CEP112: variants seen among roughly 807,000 people sequenced by gnomAD.
The protein encoded by CEP112 is centrosomal protein 112, also known as centrosomal protein of 112 kDa.
A neutral mutation model predicts 153.0 loss-of-function variants in CEP112; 127 were observed. The observed-to-expected ratio is 0.83, with a 90% CI of 0.72 to 0.96. The LOEUF (loss-of-function observed/expected upper bound fraction) is 0.96. Among genes scored for constraint, CEP112 ranks in the 40% least tolerant of loss-of-function variants. The pLI is 0.00. For synonymous variants in CEP112, 358 were observed against 374.4 expected, an observed-to-expected ratio of 0.96 and a Z score of 0.51; for missense variants, 1,089 against 1,101.2, an observed-to-expected ratio of 0.99 and a Z score of 0.16.
intron 8 of CEP112, among the ~76,000 whole-genome samples, chr17:66,075,541 G>A (rs1233759462): frequency 6.6e-6 from 1 of 151,972 alleles, no homozygotes; most frequent in African/African-American, 2.4e-5. Context: ...TAAAAAAAGG[G>A]GGTACCAGTG....
chr17:66,154,587 T>G (rs2071355331), intron 4 of CEP112, among the ~76,000 whole-genome samples: 1 of 152,136 alleles, frequency 6.6e-6, no homozygotes, highest in Middle Eastern at 3.2e-3. Flanking sequence ...CAGAGGGAAT[T>G]AGCCATGACC....
At chr17:65,936,685 CAT>C (rs35919454) in intron 18 of CEP112, among the ~76,000 whole-genome samples, 62,526 of 151,524 alleles carry the variant, frequency 0.41, 14,261 homozygotes, top group East Asian at 0.87. Context: ...ATAAAAACCA[CAT>C]GATTATCTCA....
Position 66,027,581 on chromosome 17 carries a change from T to C in CEP112, c.1597-21A>G, listed in dbSNP as rs200830527. ...TGATCCTGTGAATGATAAATGTTTA[T>C]ATTTATTATACTTTAAATTATACTA... On this transcript the variant is annotated intron_variant, in intron 15 of 26. Coordinates refer to ENST00000535342, the MANE Select transcript of CEP112 (RefSeq NM_001199165.4). 2,099 of 1,231,030 alleles carry C rather than the reference T, an allele frequency of 1.7e-3. 2 individuals are homozygous for C. Among genetic ancestry groups the C allele is most frequent in the Non-Finnish European group, 2.2e-3 (1,981 of 918,018 alleles). 76.3% of individuals were successfully genotyped at this position (1,231,030 alleles called of 1,614,324 possible). A position where few individuals can be genotyped will look rare whatever the true frequency, so the allele number is the denominator to read the frequency against.
At chr17:65,756,706 C>G (rs1232374421) in intron 21 of CEP112, among the ~76,000 whole-genome samples, 1 of 152,142 alleles carries the variant, frequency 6.6e-6, no homozygotes, top group African/African-American at 2.4e-5. Context: ...GAGATGGAAG[C>G]TGCCCAAGAA....
rs577721391 is a variant in CEP112, at chr17:65,810,210, G to A, written c.2394+41594C>T. On this transcript the variant is annotated intron_variant, in intron 21 of 26. Coordinates refer to ENST00000535342, the MANE Select transcript of CEP112 (RefSeq NM_001199165.4). ...TCTGGTTACAAAGATAAACAAAGAC[G>A]TGGCACAGTGATTGAAGTGAGATTT... 5.3e-5 allele frequency among the ~76,000 whole-genome samples: 8 copies of A among 152,272 alleles called. No individual in the cohort carries two copies. The East Asian group carries it at 1.4e-3, about 26-fold the overall frequency.
At chr17:65,948,344 A>G (rs1457896745) in intron 18 of CEP112, among the ~76,000 whole-genome samples, 1 of 152,148 alleles carries the variant, frequency 6.6e-6, no homozygotes, top group Non-Finnish European at 1.5e-5. Flanking sequence ...GCATTTAATA[A>G]GGATGTATTT....
intron 23 of CEP112, among the ~76,000 whole-genome samples, chr17:65,729,867 C>T (rs143861984): frequency 0.058 from 8,783 of 152,130 alleles, 266 homozygotes; most frequent in Admixed American, 0.081. Flanking sequence ...GAGCCAAGAT[C>T]GTGCCACTGC....
chr17:65,950,714 G>GTAGTAGTAT, intron 18 of CEP112, among the ~76,000 whole-genome samples: 1 of 98,900 alleles, frequency 1.0e-5, no homozygotes, highest in South Asian at 4.5e-4. Flanking sequence ...AGTAGTAGTA[G>GTAGTAGTAT]TAGTAGTAGT....
In CEP112 at chr17:66,169,282, C is replaced by CTTTTT. The variant is rs538896272; in HGVS notation, c.470+5757_470+5761dup. Among the ~76,000 whole-genome samples, 13 of 120,962 alleles carry CTTTTT rather than the reference C, an allele frequency of 1.1e-4. 1 individual carries two copies. The highest frequency in any genetic ancestry group is 2.2e-4 in the African/African-American group (7 of 31,322). The allele number at this position is 120,962 out of a possible 152,430, so 79.4% of individuals were successfully genotyped here. A position where few individuals can be genotyped will look rare whatever the true frequency, so the allele number is the denominator to read the frequency against. On this transcript the variant is annotated intron_variant, in intron 4 of 26. Coordinates refer to ENST00000535342, the MANE Select transcript of CEP112 (RefSeq NM_001199165.4). Reference sequence around the variant, plus strand: ...ATTATGAGCCAATTTTTAATTTCTTCTTTTTTTTTTTTTTTTTTTGAGACA... The same window carrying CTTTTT: ...ATTATGAGCCAATTTTTAATTTCTTCTTTTTTTTTTTTTTTTTTTTTTTTGAGACA...
At chr17:65,692,432 T>G (rs981004169) in intron 23 of CEP112, among the ~76,000 whole-genome samples, 4 of 152,124 alleles carry the variant, frequency 2.6e-5, no homozygotes, top group African/African-American at 9.7e-5. Flanking sequence ...TTTCACCATG[T>G]TAGCCAGGAT....
At chr17:65,929,859 A>G (rs959779645) in intron 18 of CEP112, among the ~76,000 whole-genome samples, 23 of 152,354 alleles carry the variant, frequency 1.5e-4, no homozygotes, top group African/African-American at 5.3e-4. Context: ...CAAAATAAAT[A>G]AAAGCATGTT....
At chr17:65,682,522 T>C (rs2047581641) in intron 24 of CEP112, among the ~76,000 whole-genome samples, 2 of 152,190 alleles carry the variant, frequency 1.3e-5, no homozygotes, top group South Asian at 2.1e-4. Flanking sequence ...AAGTCCCCCA[T>C]TGCTGACAAC....
chr17:66,084,693 T>G (rs555508422), intron 8 of CEP112, among the ~76,000 whole-genome samples: 4 of 150,992 alleles, frequency 2.6e-5, no homozygotes, highest in Non-Finnish European at 5.9e-5. Context: ...AGGGGGGGAG[T>G]TGGGATGGTT....
intron 19 of CEP112, among the ~76,000 whole-genome samples, chr17:65,912,599 A>T (rs2060330006): frequency 6.6e-6 from 1 of 152,238 alleles, no homozygotes; most frequent in Non-Finnish European, 1.5e-5. Flanking sequence ...AAGCCAAGGC[A>T]GTTCTGCCAT....
At chr17:65,979,457 C>T (rs1555744935) in intron 17 of CEP112, among the ~76,000 whole-genome samples, 1 of 151,990 alleles carries the variant, frequency 6.6e-6, no homozygotes, top group Non-Finnish European at 1.5e-5. Context: ...CCAGGCGTGT[C>T]TTGAACTCCT....
chr17:66,159,499 AC>A (rs1305191565), intron 4 of CEP112, among the ~76,000 whole-genome samples: 1 of 151,894 alleles, frequency 6.6e-6, no homozygotes, highest in East Asian at 1.9e-4. Flanking sequence ...AAGTTTATCC[AC>A]CACAATCAAG....
At chr17:65,694,452 T>G (rs1157545280) in intron 23 of CEP112, among the ~76,000 whole-genome samples, 1 of 152,216 alleles carries the variant, frequency 6.6e-6, no homozygotes, top group Non-Finnish European at 1.5e-5. Flanking sequence ...GAATTCAAAT[T>G]ACATTTGCTT....
chr17:65,979,291 G>A (rs1190253040), intron 17 of CEP112, among the ~76,000 whole-genome samples: 4 of 151,674 alleles, frequency 2.6e-5, no homozygotes, highest in Admixed American at 6.6e-5. Flanking sequence ...TGTCACCCTG[G>A]GTGGAGTGCA....
At chr17:66,041,207 A>AT in intron 12 of CEP112, among the ~76,000 whole-genome samples, 1 of 152,028 alleles carries the variant, frequency 6.6e-6, no homozygotes, top group South Asian at 2.1e-4. Flanking sequence ...TTATTATATA[A>AT]TGAATATACA....
Sources: gnomAD v4.1 joint callset for allele counts (sites outside exome capture counted in the v4.1 genomes callset) on GRCh38, gnomAD v4.1.1 for gene constraint, MANE v1.5 for transcripts, NCBI Gene and HGNC (gene_info 2026-07-23, HGNC 2026-07-21) for gene names.